PCDHGB4: variants seen among roughly 807,000 people sequenced by gnomAD.
PCDHGB4 encodes the protein protocadherin gamma-B4.
In PCDHGB4, 38 loss-of-function variants were observed where a neutral mutation model predicts 60.5. That is an observed-to-expected ratio of 0.63 (90% confidence interval 0.48 to 0.82). The LOEUF is 0.82. Ranked by LOEUF, PCDHGB4 falls within the 40% of genes least tolerant of loss-of-function variation. The pLI, the probability that PCDHGB4 is intolerant of heterozygous loss-of-function variation, is 0.00. For missense variants in PCDHGB4, 1,109 were observed against 1,209.6 expected (o/e 0.92, Z 1.23); for synonymous variants, 456 against 509.7 (o/e 0.89, Z 1.42).
At chr5:141,392,766 C>T (rs1196100164) in intron 1 of PCDHGB4, 1 of 1,488,966 alleles carries the variant, frequency 6.7e-7, no homozygotes. Flanking sequence ...AAATAAGACC[C>T]ATTTATGCAC....
Position 141,477,012 on chromosome 5 carries a change from T to C in PCDHGB4, c.2398-17795T>C. The C allele has an allele frequency of 6.2e-7, 1 of 1,614,186 alleles. No homozygotes were observed. Among genetic ancestry groups the C allele is most frequent in the Non-Finnish European group, 8.5e-7 (1 of 1,180,026 alleles). On this transcript the variant is annotated intron_variant, in intron 1 of 3. Coordinates refer to ENST00000519479, the MANE Select transcript of PCDHGB4 (RefSeq NM_003736.4). The surrounding 1 kb of genome is among the most constrained non-coding windows in gnomAD (Gnocchi z 4.9). The stretch of plus-strand genomic sequence containing the variant: ...GTGCGGCAACTATTCGCCTTAGACC[T>C]TGTAACCGGGATGCTGACAATCAAG...
chr5:141,391,873 T>G (rs1023590638), intron 1 of PCDHGB4: 2 of 152,216 alleles, frequency 1.3e-5, no homozygotes, highest in African/African-American at 4.8e-5. Flanking sequence ...TAATCATCTC[T>G]TTGGTGAAAG....
In PCDHGB4 at chr5:141,489,684, T is replaced by C. The variant is rs2099690710; in HGVS notation, c.2398-5123T>C. 1.2e-6 allele frequency: 2 copies of C among 1,614,062 alleles called. No individual in the cohort carries two copies. The highest frequency in any genetic ancestry group is 8.5e-7 in the Non-Finnish European group (1 of 1,180,034). On this transcript the variant is annotated intron_variant, in intron 1 of 3. Coordinates refer to ENST00000519479, the MANE Select transcript of PCDHGB4 (RefSeq NM_003736.4). This position sits in a 1 kb window ranked among gnomAD's most constrained non-coding sequence, Gnocchi z 4.5. ...TGCGCATCTCAGAATCAGCAGCATCTGGGGCACGATTCCCACTGGACAGTG... is the reference window on the plus strand; with the variant it reads ...TGCGCATCTCAGAATCAGCAGCATCCGGGGCACGATTCCCACTGGACAGTG...
chr5:141,417,910 A>G (rs1339671115), intron 1 of PCDHGB4: 2 of 1,599,246 alleles, frequency 1.3e-6, no homozygotes, highest in East Asian at 2.3e-5. Flanking sequence ...GGCAGGTACT[A>G]TTTCCTTTGC....
At chr5:141,423,557 G>A (rs1365715281) in intron 1 of PCDHGB4, 4 of 1,613,536 alleles carry the variant, frequency 2.5e-6, no homozygotes, top group East Asian at 2.2e-5. Context: ...CCCAACTATG[G>A]GGACACGCTC....
chr5:141,503,471 C>A (rs2099820129), intron 2 of PCDHGB4, among the ~76,000 whole-genome samples: 1 of 151,836 alleles, frequency 6.6e-6, no homozygotes, highest in African/African-American at 2.4e-5. Context: ...GGCATGTGTG[C>A]ACTTGTCGTC....
chr5:141,435,519 T>C (rs2097768121), intron 1 of PCDHGB4, among the ~76,000 whole-genome samples: 2 of 152,192 alleles, frequency 1.3e-5, no homozygotes, highest in South Asian at 4.1e-4. Context: ...ATGATGACTT[T>C]GTGGAATATT....
rs888556794 is a variant in PCDHGB4 at position 141,493,414 on chromosome 5, A to T, written c.2398-1393A>T. Among the ~76,000 whole-genome samples, 2 of 152,058 alleles carry T rather than the reference A, an allele frequency of 1.3e-5. No individual in the cohort carries two copies. Among genetic ancestry groups the T allele is most frequent in the Admixed American group, 6.6e-5 (1 of 15,248 alleles). ...GGAGAGGGGAGTTGCCTCTGCTGGG[A>T]TTTTGCTTCTGCTGGGATGGGGCAA... On this transcript the variant is annotated intron_variant, in intron 1 of 3. Coordinates refer to ENST00000519479, the MANE Select transcript of PCDHGB4 (RefSeq NM_003736.4). The surrounding 1 kb of genome is among the most constrained non-coding windows in gnomAD (Gnocchi z 4.3).
chr5:141,414,613 G>A (rs957641063), intron 1 of PCDHGB4: 2 of 1,613,988 alleles, frequency 1.2e-6, no homozygotes, highest in East Asian at 4.5e-5. Flanking sequence ...CTCAGTGACA[G>A]CGCTGGACCC....
intron 1 of PCDHGB4, chr5:141,393,544 A>T: frequency 6.2e-7 from 1 of 1,613,800 alleles, no homozygotes; most frequent in East Asian, 2.2e-5. Context: ...GTTTTTCCTC[A>T]CCCGATTTAC....
At position 141,490,664 on chromosome 5, in the gene PCDHGB4, C is replaced by T; in HGVS notation, c.2398-4143C>T. 6.2e-7 allele frequency: 1 copy of T among 1,614,212 alleles called. No homozygotes were observed. The highest frequency in any genetic ancestry group is 1.1e-5 in the South Asian group (1 of 91,084). On this transcript the variant is annotated intron_variant, in intron 1 of 3. Coordinates refer to ENST00000519479, the MANE Select transcript of PCDHGB4 (RefSeq NM_003736.4). The surrounding 1 kb of genome is among the most constrained non-coding windows in gnomAD (Gnocchi z 5.4). ...CGGCCTCCGGGCTCCCTTCTTTGCA[C>T]TGTGGCTGCCTCAGATCCAGACACT...
chr5:141,502,084 G>A (rs1438350526), intron 2 of PCDHGB4, among the ~76,000 whole-genome samples: 1 of 152,154 alleles, frequency 6.6e-6, no homozygotes, highest in African/African-American at 2.4e-5. Context: ...CTGGGGCTGA[G>A]AACACCTGGC....
At chr5:141,449,630 T>A (rs1006977026) in intron 1 of PCDHGB4, among the ~76,000 whole-genome samples, 6 of 150,024 alleles carry the variant, frequency 4.0e-5, no homozygotes, top group Non-Finnish European at 8.9e-5. Flanking sequence ...TTTAAAAAGA[T>A]GTATCTATAT....
In PCDHGB4 at chr5:141,491,225, T is replaced by G. The variant is rs764111440; in HGVS notation, c.2398-3582T>G. The stretch of plus-strand genomic sequence containing the variant: ...CCTTCACTCTCCTCCACAGCCACAG[T>G]GCTGCTGGTTCTGGAGGATGAGGAC... On this transcript the variant is annotated intron_variant, in intron 1 of 3. Transcript: ENST00000519479. This position sits in a 1 kb window ranked among gnomAD's most constrained non-coding sequence, Gnocchi z 6.9. 6.2e-7 allele frequency: 1 copy of G among 1,614,232 alleles called. No individual in the cohort carries two copies. Among genetic ancestry groups the G allele is most frequent in the Non-Finnish European group, 8.5e-7 (1 of 1,180,028 alleles).
intron 1 of PCDHGB4, among the ~76,000 whole-genome samples, chr5:141,435,715 A>G (rs528951395): frequency 6.6e-6 from 1 of 152,328 alleles, no homozygotes; most frequent in African/African-American, 2.4e-5. Context: ...ACAGACACTG[A>G]ATGCTAAAGT....
At chr5:141,413,390 C>T (rs1373497766) in intron 1 of PCDHGB4, 1 of 1,614,010 alleles carries the variant, frequency 6.2e-7, no homozygotes, top group African/African-American at 1.3e-5. Context: ...CGCATAGTCT[C>T]CAGAGGTAGG....
At chr5:141,420,234 T>G (rs766733064) in intron 1 of PCDHGB4, 1 of 1,600,030 alleles carries the variant, frequency 6.2e-7, no homozygotes, top group Non-Finnish European at 8.5e-7. Flanking sequence ...GCTAGCATTT[T>G]AACTCCCAGC....
At chr5:141,452,897 T>C (rs1447851469) in intron 1 of PCDHGB4, among the ~76,000 whole-genome samples, 1 of 152,230 alleles carries the variant, frequency 6.6e-6, no homozygotes, top group Non-Finnish European at 1.5e-5. Flanking sequence ...CCACTTTTAT[T>C]AGTTGGCATT....
chr5:141,392,929 C>G, intron 1 of PCDHGB4: 2 of 1,613,888 alleles, frequency 1.2e-6, no homozygotes, highest in Non-Finnish European at 1.7e-6. Context: ...CCAGAAGAGA[C>G]GGACAAAGGC....
Sources: allele counts gnomAD v4.1 joint callset (sites outside exome capture counted in the v4.1 genomes callset), GRCh38; gene constraint gnomAD v4.1.1; non-coding constraint Gnocchi (gnomAD v3.1); transcripts MANE v1.5; gene names NCBI Gene and HGNC (gene_info 2026-07-23, HGNC 2026-07-21).